The following ASAP1 variants were observed in gnomAD, a reference collection of about 807,000 sequenced individuals.
The protein encoded by ASAP1 is arf-GAP with SH3 domain, ANK repeat and PH domain-containing protein 1.
ASAP1 carries 43 observed loss-of-function variants against 145.2 expected under a neutral mutation model. The ratio of observed to expected loss-of-function variants is 0.30; its 90% CI spans 0.23 to 0.38. The LOEUF (loss-of-function observed/expected upper bound fraction) is 0.38. Among genes scored for constraint, ASAP1 ranks in the 10% least tolerant of loss-of-function variants. The pLI, the probability that ASAP1 is intolerant of heterozygous loss-of-function variation, is 1.00. For synonymous variants in ASAP1, 546 were observed against 515.5 expected (o/e 1.06, Z -0.80); for missense variants, 1,018 against 1,355.3 (o/e 0.75, Z 3.91).
chr8:130,145,873 ACT>A lies in ASAP1; in HGVS notation c.1080+6861_1080+6862del, dbSNP rs560829585. On this transcript the variant is annotated intron_variant, in intron 13 of 29. Coordinates refer to ENST00000518721, the MANE Select transcript of ASAP1 (RefSeq NM_018482.4). Reference sequence around the variant, plus strand: ...TTTTTTTTTTTTGAGATGGGGTCTCACTCTGTCGCCCAGGGTGGGGTACGGTG... The same window carrying A: ...TTTTTTTTTTTTGAGATGGGGTCTCACTGTCGCCCAGGGTGGGGTACGGTG... Among the ~76,000 whole-genome samples, 578 of 146,278 alleles carry A rather than the reference ACT, an allele frequency of 4.0e-3. 5 individuals carry two copies. The highest frequency in any genetic ancestry group is 8.5e-3 in the Admixed American group (124 of 14,604).
At chr8:130,227,888 G>A (rs1817677781) in intron 4 of ASAP1, among the ~76,000 whole-genome samples, 2 of 152,130 alleles carry the variant, frequency 1.3e-5, no homozygotes, top group Non-Finnish European at 2.9e-5. Context: ...AATGTTAGCT[G>A]TATCTGAAGA....
chr8:130,061,219 GT>G, intron 27 of ASAP1, 150 bp from the exon 28 acceptor site: 2 of 880,028 alleles, frequency 2.3e-6, no homozygotes, highest in Non-Finnish European at 3.2e-6. Flanking sequence ...CACCCAGGCA[GT>G]TTTACAAAGA....
At chr8:130,193,363 C>T (rs1270115156) in intron 5 of ASAP1, among the ~76,000 whole-genome samples, 1 of 151,054 alleles carries the variant, frequency 6.6e-6, no homozygotes, top group Non-Finnish European at 1.5e-5. Context: ...AGCAAGACTC[C>T]ATCTAAAAAA....
intron 3 of ASAP1, among the ~76,000 whole-genome samples, chr8:130,295,167 T>C (rs952474510): frequency 6.6e-6 from 1 of 151,942 alleles, no homozygotes; most frequent in South Asian, 2.1e-4. Flanking sequence ...CCTGGAGTCC[T>C]AGCTACTTGG....
At chr8:130,398,720 A>C (rs1049574936) in intron 2 of ASAP1, among the ~76,000 whole-genome samples, 2 of 152,288 alleles carry the variant, frequency 1.3e-5, no homozygotes, top group East Asian at 3.9e-4. Context: ...GCTCAAAACA[A>C]CCCTTGTAAG....
At chr8:130,104,136 T>C (rs1564962376) in intron 24 of ASAP1, among the ~76,000 whole-genome samples, 1 of 152,244 alleles carries the variant, frequency 6.6e-6, no homozygotes, top group Non-Finnish European at 1.5e-5. Context: ...CTCTGGGTAC[T>C]CAGTACACAA....
At chr8:130,218,858 T>TAC (rs1303974703) in intron 4 of ASAP1, among the ~76,000 whole-genome samples, 2 of 151,862 alleles carry the variant, frequency 1.3e-5, no homozygotes, top group African/African-American at 4.8e-5. Flanking sequence ...CATATATATA[T>TAC]ATATATGCAT....
At chr8:130,414,982 T>C (rs1306971166) in intron 1 of ASAP1, among the ~76,000 whole-genome samples, 1 of 152,216 alleles carries the variant, frequency 6.6e-6, no homozygotes, top group Non-Finnish European at 1.5e-5. Flanking sequence ...AGTCACGAAC[T>C]CCTGACCTCA....
At chr8:130,151,087 G>A (rs2097645274) in intron 13 of ASAP1, among the ~76,000 whole-genome samples, 1 of 151,838 alleles carries the variant, frequency 6.6e-6, no homozygotes, top group African/African-American at 2.4e-5. Context: ...GATTGCTGAA[G>A]AAGGGCCAGG....
At chr8:130,363,788 G>A (rs1826823984) in intron 2 of ASAP1, among the ~76,000 whole-genome samples, 1 of 152,084 alleles carries the variant, frequency 6.6e-6, no homozygotes, top group South Asian at 2.1e-4. Flanking sequence ...TTCTGTATAG[G>A]GCTACTTTGT....
At chr8:130,301,998 G>A (rs1315742907) in intron 3 of ASAP1, among the ~76,000 whole-genome samples, 1 of 152,210 alleles carries the variant, frequency 6.6e-6, no homozygotes, top group African/African-American at 2.4e-5. Context: ...CCCAGAGCCT[G>A]CTACTTGGTA....
intron 3 of ASAP1, among the ~76,000 whole-genome samples, chr8:130,285,662 C>T (rs1485457459): frequency 6.6e-6 from 1 of 152,176 alleles, no homozygotes; most frequent in Non-Finnish European, 1.5e-5. Flanking sequence ...TCTGGGAAAG[C>T]ATCCATGATT....
At chr8:130,154,862 G>C (rs2097654827) in intron 12 of ASAP1, among the ~76,000 whole-genome samples, 1 of 152,174 alleles carries the variant, frequency 6.6e-6, no homozygotes, top group Non-Finnish European at 1.5e-5. Context: ...CCTCAAATAA[G>C]AGCTAAATCA....
rs200338365 is a variant in ASAP1, at chr8:130,394,942, G to T, written c.59+6943C>A. ...ACAGCAGAACCAGGAGAGGAGCCTGGTTTAACCACTTTACCCACCAGGCCC... is the reference window on the plus strand; with the variant it reads ...ACAGCAGAACCAGGAGAGGAGCCTGTTTTAACCACTTTACCCACCAGGCCC... On this transcript the variant is annotated intron_variant, in intron 2 of 29. Transcript: ENST00000518721. 1.0e-3 allele frequency among the ~76,000 whole-genome samples: 154 copies of T among 152,286 alleles called. 3 individuals carry two copies. The highest frequency in any genetic ancestry group is 2.1e-3 in the East Asian group (11 of 5,186).
At chr8:130,177,134 C>T (rs16904209) in intron 9 of ASAP1, among the ~76,000 whole-genome samples, 15,846 of 152,168 alleles carry the variant, frequency 0.1, 971 homozygotes, top group South Asian at 0.28. Context: ...GAACTGGGCA[C>T]AGTAGCTGAT....
At chr8:130,351,072 A>G (rs1825967567) in intron 3 of ASAP1, among the ~76,000 whole-genome samples, 1 of 152,246 alleles carries the variant, frequency 6.6e-6, no homozygotes, top group Non-Finnish European at 1.5e-5. Context: ...TCTCAGAAGA[A>G]CAGAGAAAAG....
At chr8:130,441,595 G>A (rs1830489779) in intron 1 of ASAP1, among the ~76,000 whole-genome samples, 1 of 152,186 alleles carries the variant, frequency 6.6e-6, no homozygotes, top group East Asian at 1.9e-4. Flanking sequence ...AGTCACCTAG[G>A]TGCAGCATGG....
intron 3 of ASAP1, among the ~76,000 whole-genome samples, chr8:130,327,258 G>C (rs964633173): frequency 2.6e-4 from 40 of 152,282 alleles, no homozygotes; most frequent in African/African-American, 9.4e-4. Context: ...TCTTCCAATG[G>C]CTCCGCTCAA....
chr8:130,437,939 T>C (rs1411245612), intron 1 of ASAP1, among the ~76,000 whole-genome samples: 1 of 152,182 alleles, frequency 6.6e-6, no homozygotes, highest in Non-Finnish European at 1.5e-5. Context: ...TCTGTGCACC[T>C]TCGCACTTCC....
Sources: allele counts gnomAD v4.1 joint callset (sites outside exome capture counted in the v4.1 genomes callset), GRCh38; gene constraint gnomAD v4.1.1; transcripts MANE v1.5; gene names NCBI Gene and HGNC (gene_info 2026-07-23, HGNC 2026-07-21).